The following PRSS12 variants were observed in gnomAD, a reference collection of about 807,000 sequenced individuals.
The protein encoded by PRSS12 is serine protease 12, also known as neurotrypsin.
In PRSS12, 85 loss-of-function variants were observed where a neutral mutation model predicts 104.4. That is an observed-to-expected ratio of 0.81 (90% CI 0.68 to 0.98). PRSS12 has a LOEUF of 0.98. Ranked by LOEUF, PRSS12 falls within the 50% of genes least tolerant of loss-of-function variation. PRSS12 has a pLI of 0.00. For missense variants in PRSS12, 1,141 were observed against 1,139.2 expected, an observed-to-expected ratio of 1.00 and a Z score of -0.02; for synonymous variants, 454 against 425.2, an observed-to-expected ratio of 1.07 and a Z score of -0.83.
chr4:118,318,335 A>G lies in PRSS12; in HGVS notation c.1150+43T>C, dbSNP rs751302617. The G allele has an allele frequency of 6.3e-6, 10 of 1,598,188 alleles. No individual in the cohort carries two copies. The South Asian group carries it at 8.9e-5, about 14-fold the overall frequency. On this transcript the variant is annotated intron_variant, in intron 5 of 12. Coordinates refer to ENST00000296498, the MANE Select transcript of PRSS12 (RefSeq NM_003619.4). ...GGAAGCTGTGGCAGGCCGACATGGT[A>G]CTGGGGGCAAGAACTGGTACACTAA...
intron 11 of PRSS12, among the ~76,000 whole-genome samples, chr4:118,287,278 C>A (rs373774658): frequency 2.6e-5 from 4 of 152,026 alleles, no homozygotes; most frequent in African/African-American, 9.7e-5. Context: ...CTCAAGCAGC[C>A]GGGACCACAA....
At chr4:118,309,490 C>T (rs568045370) in intron 7 of PRSS12, among the ~76,000 whole-genome samples, 7 of 151,580 alleles carry the variant, frequency 4.6e-5, no homozygotes, top group Admixed American at 1.3e-4. Context: ...CTCTCTCACA[C>T]AGCCCTTCCC....
At chr4:118,312,828 T>G (rs1203548834) in intron 7 of PRSS12, 4 of 271,648 alleles carry the variant, frequency 1.5e-5, no homozygotes, top group African/African-American at 2.3e-5. Context: ...ATTCTTATTT[T>G]AAATCCTATC....
chr4:118,313,101 A>G (rs937353761), intron 7 of PRSS12, 100 bp downstream of exon 7: 35 of 1,443,366 alleles, frequency 2.4e-5, no homozygotes, highest in Non-Finnish European at 3.1e-5. Flanking sequence ...TAGACCCCAA[A>G]AAAAGCCAAA....
In PRSS12 at chr4:118,338,252, C is replaced by T. The variant is rs1250505745; in HGVS notation, c.565G>A (p.Gly189Arg). 2 of 1,614,052 alleles carry T rather than the reference C, an allele frequency of 1.2e-6. No individual in the cohort carries two copies. The highest frequency in any genetic ancestry group is 1.7e-6 in the Non-Finnish European group (2 of 1,179,970). ...CTGCTACAGACAGTGCCCCAAACTC[C>T]ACTTGCATATACTTCCACTGTGCCT... ...FEGTVEVYAS[G>R]VWGTVCSSHW... The change falls in exon 2 of 13, where the codon GGA becomes AGA. Residue 189 changes from glycine to arginine, a missense_variant. By Grantham distance (125) the Gly-to-Arg change is moderately radical (BLOSUM62 -2). Coordinates refer to ENST00000296498, the MANE Select transcript of PRSS12 (RefSeq NM_003619.4).
In PRSS12 at chr4:118,313,379, A is replaced by C. The variant is rs768755160; in HGVS notation, c.1311T>G (p.Ser437=). The C allele has an allele frequency of 6.2e-7, 1 of 1,614,080 alleles. No homozygotes were observed. The highest frequency in any genetic ancestry group is 8.5e-7 in the Non-Finnish European group (1 of 1,180,000). The change falls in exon 7 of 13, where the codon TCT becomes TCG. Residue 437 remains serine (S), a synonymous_variant. Transcript: ENST00000296498. Reference sequence around the variant, plus strand: ...CTGTGCTTTCTTCAAAATGGTTGGCAGATGCTTGTTTACCATATCTGTGAC... The same window carrying C: ...CTGTGCTTTCTTCAAAATGGTTGGCCGATGCTTGTTTACCATATCTGTGAC... ...QLGFKYGKQA[S]ANHFEESTGP...
rs1723520775 is a variant in PRSS12 at position 118,318,674 on chromosome 4, A to G, written c.972-118T>C. 2.1e-5 allele frequency: 21 copies of G among 995,940 alleles called. No homozygotes were observed. In the East Asian group the frequency reaches 5.2e-4, roughly 25 times the overall value. The allele number at this position is 995,940 out of a possible 1,614,324, so 61.7% of individuals were successfully genotyped here. ...ATCCCCACTTATTAATTCACTTCAC[A>G]GGTCATGCATGACTTTCTGTATTTC... is the stretch of plus-strand genomic sequence containing the variant. On this transcript the variant is annotated intron_variant, in intron 4 of 12. Coordinates refer to ENST00000296498, the MANE Select transcript of PRSS12 (RefSeq NM_003619.4).
intron 8 of PRSS12, among the ~76,000 whole-genome samples, chr4:118,301,963 C>T (rs1743415524): frequency 6.6e-6 from 1 of 152,140 alleles, no homozygotes; most frequent in African/African-American, 2.4e-5. Flanking sequence ...CCAGACAATG[C>T]TATCATTGCA....
At chr4:118,316,816 C>T (rs1461222935) in intron 5 of PRSS12, among the ~76,000 whole-genome samples, 6 of 54,944 alleles carry the variant, frequency 1.1e-4, no homozygotes, top group Admixed American at 5.4e-4. Context: ...AGCGAGACTC[C>T]GTCTCACGGA....
At chr4:118,289,210 G>A (rs1743078600) in intron 11 of PRSS12, among the ~76,000 whole-genome samples, 2 of 152,134 alleles carry the variant, frequency 1.3e-5, no homozygotes. Context: ...TGCTATGAAG[G>A]CAAACAAATA....
intron 4 of PRSS12, among the ~76,000 whole-genome samples, chr4:118,325,990 A>C (rs1386175046): frequency 6.6e-6 from 1 of 152,204 alleles, no homozygotes; most frequent in Admixed American, 6.5e-5. Flanking sequence ...AATTTAGCTA[A>C]TCAAATTGTA....
In PRSS12 at chr4:118,352,693, G is replaced by C. The variant is rs143520192; in HGVS notation, c.28C>G (p.Leu10Val). The C allele has an allele frequency of 6.3e-4, 1,015 of 1,613,200 alleles. 4 individuals carry two copies. In the African/African-American group the frequency reaches 0.012, roughly 19 times the overall value. MTLARFVLALMLGALPEVVG... is the reference protein window; with the variant it reads MTLARFVLAVMLGALPEVVG... Reference sequence around the variant, plus strand: ...ACTTCGGGGAGCGCCCCTAACATCAGGGCTAGCACGAAGCGGGCGAGCGTC... The same window carrying C: ...ACTTCGGGGAGCGCCCCTAACATCACGGCTAGCACGAAGCGGGCGAGCGTC... The change falls in exon 1 of 13, where the codon CTG (leucine) becomes GTG (valine). Residue 10 changes from leucine to valine, a missense_variant. Leu to Val is a conservative substitution (Grantham distance 32). Coordinates refer to ENST00000296498, the MANE Select transcript of PRSS12 (RefSeq NM_003619.4).
At chr4:118,317,846 T>C (rs962175371) in intron 5 of PRSS12, among the ~76,000 whole-genome samples, 2 of 152,190 alleles carry the variant, frequency 1.3e-5, no homozygotes, top group African/African-American at 4.8e-5. Context: ...AACATGTAAG[T>C]ACATACACGC....
intron 3 of PRSS12, among the ~76,000 whole-genome samples, chr4:118,333,025 T>C (rs1723967546): frequency 6.6e-6 from 1 of 152,096 alleles, no homozygotes; most frequent in South Asian, 2.1e-4. Flanking sequence ...ACCTTACTCA[T>C]GGTTGGGGGT....
At chr4:118,284,515 T>TA (rs1472627443) in intron 11 of PRSS12, among the ~76,000 whole-genome samples, 1 of 152,218 alleles carries the variant, frequency 6.6e-6, no homozygotes, top group Non-Finnish European at 1.5e-5. Context: ...GCCACACACT[T>TA]ACAATGTAAA....
chr4:118,332,392 A>G (rs1298192294), intron 3 of PRSS12, among the ~76,000 whole-genome samples: 1 of 152,188 alleles, frequency 6.6e-6, no homozygotes, highest in African/African-American at 2.4e-5. Context: ...ACAGAACAAT[A>G]TTGAAACTTC....
chr4:118,281,814 T>C lies in PRSS12; in HGVS notation c.*122A>G, dbSNP rs1457601037. ...CAAAAGCAGCAGGGGGTACACAATTTTTTACCACAACACAAAGCAAAAACA... is the reference window on the plus strand; with the variant it reads ...CAAAAGCAGCAGGGGGTACACAATTCTTTACCACAACACAAAGCAAAAACA... On this transcript the variant is annotated 3_prime_UTR_variant, in exon 13 of 13. Coordinates refer to ENST00000296498, the MANE Select transcript of PRSS12 (RefSeq NM_003619.4). The C allele has an allele frequency of 1.8e-5, 13 of 723,652 alleles. No individual in the cohort carries two copies. In the East Asian group the frequency reaches 2.3e-4, roughly 13 times the overall value. The allele number at this position is 723,652 out of a possible 1,614,324, so 44.8% of individuals were successfully genotyped here. A position where few individuals can be genotyped will look rare whatever the true frequency, so the allele number is the denominator to read the frequency against.
chr4:118,348,654 C>CT (rs35216011), intron 1 of PRSS12, among the ~76,000 whole-genome samples: 115,411 of 144,772 alleles, frequency 0.8, 48,213 homozygotes, highest in South Asian at 0.92. Flanking sequence ...CAGAATGATT[C>CT]TTTTTTTTTT....
intron 1 of PRSS12, among the ~76,000 whole-genome samples, chr4:118,346,954 T>C (rs902710035): frequency 2.0e-5 from 3 of 151,998 alleles, no homozygotes; most frequent in Non-Finnish European, 2.9e-5. Context: ...GGCGCACACA[T>C]GCGTGTGCAT....
Sources: gnomAD v4.1 joint callset for allele counts (sites outside exome capture counted in the v4.1 genomes callset) on GRCh38, gnomAD v4.1.1 for gene constraint, MANE v1.5 for transcripts, NCBI Gene and HGNC (gene_info 2026-07-23, HGNC 2026-07-21) for gene names.